COL7A1: variants seen among roughly 807,000 people sequenced by gnomAD.
The protein encoded by COL7A1 is collagen alpha-1(VII) chain.
Under a neutral mutation model 456.2 loss-of-function variants are expected in COL7A1, and 296 were observed. That is an observed-to-expected ratio of 0.65 (90% CI 0.59 to 0.71). The LOEUF (loss-of-function observed/expected upper bound fraction) is 0.71, where lower values mean the gene tolerates loss of function less well. Among genes scored for constraint, COL7A1 ranks in the 30% least tolerant of loss-of-function variants. COL7A1 has a pLI of 0.00. For synonymous variants in COL7A1, 1,464 were observed against 1,525.9 expected, an observed-to-expected ratio of 0.96 and a Z score of 0.95; for missense variants, 3,441 against 4,017.2, an observed-to-expected ratio of 0.86 and a Z score of 3.88.
rs1284522294 is a variant in COL7A1, at chr3:48,592,587, C to T, written c.959G>A (p.Ser320Asn). ...LYANSIGEAV[S>N]GTARTTALEG... Reference sequence around the variant, plus strand: ...TTGCTCACTGGTCCGAGCTGTCCCGCTCACAGCCTCCCCGATGCTGTTGGC... The same window carrying T: ...TTGCTCACTGGTCCGAGCTGTCCCGTTCACAGCCTCCCCGATGCTGTTGGC... Residue 320 changes from serine to asparagine, a missense_variant, in exon 8 of 119, where the codon AGC (serine) becomes AAC (asparagine). Ser to Asn is a conservative substitution (Grantham distance 46). This residue lies in a region of COL7A1 where 913 missense variants were observed against 1,088.2 expected (regional missense o/e 0.84). Coordinates refer to ENST00000681320, the MANE Select transcript of COL7A1 (RefSeq NM_000094.4). This position sits in a 1 kb window ranked among gnomAD's most constrained non-coding sequence, Gnocchi z 7.6. 2.5e-6 allele frequency: 4 copies of T among 1,613,920 alleles called. No individual in the cohort carries two copies. The highest frequency in any genetic ancestry group is 1.7e-5 in the Admixed American group (1 of 60,012).
chr3:48,581,433 G>T lies in COL7A1; in HGVS notation c.4818+15C>A. ...CCCAGAAGCCTTGAGGTTGCCCAGG[G>T]TAACGGGTACTCACTGGGGGTCCTG... On this transcript the variant is annotated intron_variant, in intron 51 of 118. Coordinates refer to ENST00000681320, the MANE Select transcript of COL7A1 (RefSeq NM_000094.4). The surrounding 1 kb of genome is among the most constrained non-coding windows in gnomAD (Gnocchi z 5.8). 1 of 1,614,012 alleles carries T rather than the reference G, an allele frequency of 6.2e-7. No homozygotes were observed. Among genetic ancestry groups the T allele is most frequent in the Non-Finnish European group, 8.5e-7 (1 of 1,179,998 alleles).
chr3:48,582,861 TG>T, intron 44 of COL7A1, 151 bp downstream of exon 44: 2 of 1,295,402 alleles, frequency 1.5e-6, no homozygotes, highest in Non-Finnish European at 2.2e-6. Flanking sequence ...GCCAGGTCCC[TG>T]GGGCTGAGGG....
At position 48,572,066 on chromosome 3, in the gene COL7A1, G is replaced by A. The variant is rs753759973; in HGVS notation, c.7024-21C>T. On this transcript the variant is annotated intron_variant, in intron 91 of 118. Coordinates refer to ENST00000681320, the MANE Select transcript of COL7A1 (RefSeq NM_000094.4). The surrounding 1 kb of genome is among the most constrained non-coding windows in gnomAD (Gnocchi z 4.6). ...TCACCCTGCACAGAATGGCAGGTGAGGGGTGTCTGGACTGAGCCTTCTCTG... is the reference window on the plus strand; with the variant it reads ...TCACCCTGCACAGAATGGCAGGTGAAGGGTGTCTGGACTGAGCCTTCTCTG... 1.5e-5 allele frequency: 24 copies of A among 1,612,576 alleles called. No individual in the cohort carries two copies. The highest frequency in any genetic ancestry group is 3.3e-4 in the Middle Eastern group (2 of 6,080).
In COL7A1 at chr3:48,574,946, G is replaced by T. The variant is rs915907004; in HGVS notation, c.6280-81C>A. The stretch of plus-strand genomic sequence containing the variant: ...TCATCACAGATCTCAGGATCACAGA[G>T]GGTTATAGGGTCAGAAATTCCAGGG... On this transcript the variant is annotated intron_variant, in intron 76 of 118. Coordinates refer to ENST00000681320, the MANE Select transcript of COL7A1 (RefSeq NM_000094.4). This position sits in a 1 kb window ranked among gnomAD's most constrained non-coding sequence, Gnocchi z 5.0. 3.8e-6 allele frequency: 6 copies of T among 1,584,198 alleles called. No individual in the cohort carries two copies. The Admixed American group carries it at 1.0e-4, about 27-fold the overall frequency.
At position 48,568,811 on chromosome 3, in the gene COL7A1, TG is replaced by T; in HGVS notation, c.7730del (p.Pro2577GlnfsTer54). 1.9e-6 allele frequency: 3 copies of T among 1,575,512 alleles called. No homozygotes were observed. Among genetic ancestry groups the T allele is most frequent in the Non-Finnish European group, 2.6e-6 (3 of 1,159,400 alleles). On this transcript the variant is annotated frameshift_variant, in exon 104 of 119. Coordinates refer to ENST00000681320, the MANE Select transcript of COL7A1 (RefSeq NM_000094.4). LOFTEE classifies it high-confidence loss of function. The surrounding 1 kb of genome is among the most constrained non-coding windows in gnomAD (Gnocchi z 5.2). Reference sequence around the variant, plus strand: ...GGGGTCCCAGGAGTCCACGCAGTCCTGGCAACCCGGCTGAGCCCTTGTCACC... The same window carrying T: ...GGGGTCCCAGGAGTCCACGCAGTCCTGCAACCCGGCTGAGCCCTTGTCACC... ...EPGDKGSAGL[P>X]GLRGLLGPQG...
chr3:48,568,901 C>T lies in COL7A1; in HGVS notation c.7687-46G>A, dbSNP rs61701760. ...GGGATTCAGTCAGGACCAGATCAGG[C>T]TGGGGGCTTAGAATACAACGAGCCC... On this transcript the variant is annotated intron_variant, in intron 103 of 118. Coordinates refer to ENST00000681320, the MANE Select transcript of COL7A1 (RefSeq NM_000094.4). The surrounding 1 kb of genome is among the most constrained non-coding windows in gnomAD (Gnocchi z 5.2). The T allele has an allele frequency of 2.6e-6, 4 of 1,541,934 alleles. No individual in the cohort carries two copies. The highest frequency in any genetic ancestry group is 1.2e-5 in the South Asian group (1 of 84,090).
rs556116285 is a variant in COL7A1, at chr3:48,583,163, C to G, written c.4446G>C (p.Arg1482=). ...CCTCACCCAGGGGCCCTGGAAAGCC[C>G]CGGTCACCCTGAAGAGAGAGGGTGA... The part of the protein sequence containing the change: ...PPGAIGPKGD[R]GFPGPLGEAG... The change falls in exon 43 of 119, where the codon CGG becomes CGC. Residue 1482 remains arginine, a synonymous_variant. Transcript: ENST00000681320. This position sits in a 1 kb window ranked among gnomAD's most constrained non-coding sequence, Gnocchi z 5.1. 8 of 1,613,730 alleles carry G rather than the reference C, an allele frequency of 5.0e-6. No individual in the cohort carries two copies. Among genetic ancestry groups the G allele is most frequent in the East Asian group, 4.5e-5 (2 of 44,886 alleles).
Position 48,573,391 on chromosome 3 carries a change from C to T in COL7A1, c.6619-43G>A. On this transcript the variant is annotated intron_variant, in intron 83 of 118. Transcript: ENST00000681320. The surrounding 1 kb of genome is among the most constrained non-coding windows in gnomAD (Gnocchi z 5.5). ...ACTGCATGAGCAGAGCCCACGTGGC[C>T]AGGGCTCCTGGAGCTCATCCTCATT... is the stretch of plus-strand genomic sequence containing the variant. 6.2e-7 allele frequency: 1 copy of T among 1,614,002 alleles called. No individual in the cohort carries two copies. Among genetic ancestry groups the T allele is most frequent in the South Asian group, 1.1e-5 (1 of 91,080 alleles).
rs2043520354 is a variant in COL7A1 at position 48,564,545 on chromosome 3, A to G, written c.8819-123T>C. 1 of 1,232,638 alleles carries G rather than the reference A, an allele frequency of 8.1e-7. No individual in the cohort carries two copies. The allele number at this position is 1,232,638 out of a possible 1,614,324, so 76.4% of individuals were successfully genotyped here. A position where few individuals can be genotyped will look rare whatever the true frequency, so the allele number is the denominator to read the frequency against. On this transcript the variant is annotated intron_variant, in intron 118 of 118. Coordinates refer to ENST00000681320, the MANE Select transcript of COL7A1 (RefSeq NM_000094.4). The surrounding 1 kb of genome is among the most constrained non-coding windows in gnomAD (Gnocchi z 6.0). ...CAGGAAGTGGGGGCTCTGACCTCAG[A>G]GGGGTCCATACTTAGGTCTTTAAAG...
Position 48,567,493 on chromosome 3 carries a change from C to A in COL7A1, c.8046+81G>T. 6.3e-7 allele frequency: 1 copy of A among 1,586,390 alleles called. No homozygotes were observed. The highest frequency in any genetic ancestry group is 2.2e-5 in the East Asian group (1 of 44,748). ...CCAACCCTCTACAGCCTTCCTTGTC[C>A]CTACACCCCCATGACCCGACCATGA... On this transcript the variant is annotated intron_variant, in intron 109 of 118. Transcript: ENST00000681320. This position sits in a 1 kb window ranked among gnomAD's most constrained non-coding sequence, Gnocchi z 4.3.
Position 48,569,270 on chromosome 3 carries a change from A to G in COL7A1, c.7686+105T>C, listed in dbSNP as rs1307841138. The G allele has an allele frequency of 7.2e-7, 1 of 1,396,252 alleles. No individual in the cohort carries two copies. Among genetic ancestry groups the G allele is most frequent in the Non-Finnish European group, 1.0e-6 (1 of 984,714 alleles). The allele number at this position is 1,396,252 out of a possible 1,614,324, so 86.5% of individuals were successfully genotyped here. A position where few individuals can be genotyped will look rare whatever the true frequency, so the allele number is the denominator to read the frequency against. On this transcript the variant is annotated intron_variant, in intron 103 of 118. Coordinates refer to ENST00000681320, the MANE Select transcript of COL7A1 (RefSeq NM_000094.4). This position sits in a 1 kb window ranked among gnomAD's most constrained non-coding sequence, Gnocchi z 4.9. Reference sequence around the variant, plus strand: ...CAGCCACAGAACCCCTTCCCCCTAAACCCCAGAAAGCCTCCTCCTGTCCTC... The same window carrying G: ...CAGCCACAGAACCCCTTCCCCCTAAGCCCCAGAAAGCCTCCTCCTGTCCTC...
chr3:48,574,295 T>C lies in COL7A1; in HGVS notation c.6468A>G (p.Gly2156=). ...RGQDGNPGLP[G]ERGMAGPEGK... The stretch of plus-strand genomic sequence containing the variant: ...CTTCAGGCCCAGCCATACCACGCTC[T>C]CCTGGTAGACCCTGCAGAGAATAGG... The change falls in exon 80 of 119, where the codon GGA becomes GGG. Residue 2156 remains glycine (G), a synonymous_variant. Coordinates refer to ENST00000681320, the MANE Select transcript of COL7A1 (RefSeq NM_000094.4). The surrounding 1 kb of genome is among the most constrained non-coding windows in gnomAD (Gnocchi z 5.0). The C allele has an allele frequency of 1.2e-6, 2 of 1,614,078 alleles. No homozygotes were observed. Among genetic ancestry groups the C allele is most frequent in the Non-Finnish European group, 1.7e-6 (2 of 1,179,996 alleles).
In COL7A1 at chr3:48,590,476, C is replaced by T; in HGVS notation, c.1889G>A (p.Ser630Asn). The T allele has an allele frequency of 6.2e-7, 1 of 1,614,174 alleles. No individual in the cohort carries two copies. Among genetic ancestry groups the T allele is most frequent in the Non-Finnish European group, 8.5e-7 (1 of 1,180,038 alleles). Reference protein sequence around the residue: ...PVPGASGFRISWSTGSGPESS... With the variant: ...PVPGASGFRINWSTGSGPESS... ...ACACTGACCACTGCCTGTGCTCCAG[C>T]TAATCCGAAATCCACTGGCTCCAGG... Residue 630 changes from serine to asparagine, a missense_variant, in exon 15 of 119, where the codon AGC becomes AAC. Physicochemically the swap from Ser to Asn is conservative, Grantham distance 46 (BLOSUM62 1). Transcript: ENST00000681320. The surrounding 1 kb of genome is among the most constrained non-coding windows in gnomAD (Gnocchi z 4.6).
Position 48,578,048 on chromosome 3 carries a change from C to G in COL7A1, c.5532+273G>C, listed in dbSNP as rs745593192. Among the ~76,000 whole-genome samples the G allele has an allele frequency of 1.4e-4, 21 of 152,122 alleles. No individual in the cohort carries two copies. The highest frequency in any genetic ancestry group is 3.1e-4 in the Non-Finnish European group (21 of 68,024). ...GCATGGTGGCGCATGCCTGTAATCC[C>G]AGTTACTCGGGAGGTTGAGGCAGGA... is the stretch of plus-strand genomic sequence containing the variant. On this transcript the variant is annotated intron_variant, in intron 65 of 118. Coordinates refer to ENST00000681320, the MANE Select transcript of COL7A1 (RefSeq NM_000094.4). This position sits in a 1 kb window ranked among gnomAD's most constrained non-coding sequence, Gnocchi z 4.7.
Position 48,578,212 on chromosome 3 carries a change from G to T in COL7A1, c.5532+109C>A. 1 of 1,256,266 alleles carries T rather than the reference G, an allele frequency of 8.0e-7. No homozygotes were observed. The highest frequency in any genetic ancestry group is 1.1e-6 in the Non-Finnish European group (1 of 870,040). The allele number at this position is 1,256,266 out of a possible 1,614,324, so 77.8% of individuals were successfully genotyped here. A position where few individuals can be genotyped will look rare whatever the true frequency, so the allele number is the denominator to read the frequency against. On this transcript the variant is annotated intron_variant, in intron 65 of 118. Coordinates refer to ENST00000681320, the MANE Select transcript of COL7A1 (RefSeq NM_000094.4). This position sits in a 1 kb window ranked among gnomAD's most constrained non-coding sequence, Gnocchi z 4.7. Reference sequence around the variant, plus strand: ...TGGATGCATCTGTATGTCTGGGCCAGGATGCATGTGTCTACACGTGTGCCT... The same window carrying T: ...TGGATGCATCTGTATGTCTGGGCCATGATGCATGTGTCTACACGTGTGCCT...
rs749211733 is a variant in COL7A1 at position 48,585,718 on chromosome 3, A to G, written c.3803T>C (p.Val1268Ala). Residue 1268 changes from valine to alanine, a missense_variant, in exon 31 of 119, where the codon GTT becomes GCT. Physicochemically the swap from Val to Ala is moderately conservative, Grantham distance 64 (BLOSUM62 0). This residue lies in a region of COL7A1 where 2,084 missense variants were observed against 2,501.3 expected (regional missense o/e 0.83). Transcript: ENST00000681320. The surrounding 1 kb of genome is among the most constrained non-coding windows in gnomAD (Gnocchi z 4.5). ...EPGEMGLRGQ[V>A]GPPGDPGLPG... The stretch of plus-strand genomic sequence containing the variant: ...GAGGCCAGGGTCGCCAGGAGGCCCA[A>G]CTTGTCCTCTCAGGCCCTAGGAAGG... The G allele has an allele frequency of 3.5e-5, 56 of 1,613,854 alleles. No homozygotes were observed. The highest frequency in any genetic ancestry group is 4.6e-5 in the Non-Finnish European group (54 of 1,180,000).
Position 48,593,975 on chromosome 3 carries a change from G to C in COL7A1, c.267-279C>G, listed in dbSNP as rs2045892427. Among the ~76,000 whole-genome samples, 1 of 152,220 alleles carries C rather than the reference G, an allele frequency of 6.6e-6. No individual in the cohort carries two copies. ...CAAGATGCTGCTTAATTAAATAATT[G>C]CAGGAGGAGGGGTCCAGATGTAGGA... On this transcript the variant is annotated intron_variant, in intron 3 of 118. Transcript: ENST00000681320. This position sits in a 1 kb window ranked among gnomAD's most constrained non-coding sequence, Gnocchi z 4.4.
At position 48,583,113 on chromosome 3, in the gene COL7A1, C is replaced by T. The variant is rs1467148281; in HGVS notation, c.4482+14G>A. 6.2e-7 allele frequency: 1 copy of T among 1,613,974 alleles called. No homozygotes were observed. The highest frequency in any genetic ancestry group is 1.1e-5 in the South Asian group (1 of 91,082). On this transcript the variant is annotated intron_variant, in intron 43 of 118. Transcript: ENST00000681320. This position sits in a 1 kb window ranked among gnomAD's most constrained non-coding sequence, Gnocchi z 5.1. ...ATCCTCCAGGGCCCTTGGCACCCCC[C>T]AGGTTGCACTTACCTTCTCTCCAGC...
In COL7A1 at chr3:48,578,445, G is replaced by T. The variant is rs763853546; in HGVS notation, c.5487+8C>A. 1 of 1,613,326 alleles carries T rather than the reference G, an allele frequency of 6.2e-7. No homozygotes were observed. ...GGAAAAGGGGGTAACATGAAAGTCT[G>T]GTCTCACCGGTAATCCAGGGGGACC... On this transcript the variant is annotated splice_region_variant and intron_variant, in intron 64 of 118. Coordinates refer to ENST00000681320, the MANE Select transcript of COL7A1 (RefSeq NM_000094.4). This position sits in a 1 kb window ranked among gnomAD's most constrained non-coding sequence, Gnocchi z 4.7.
Sources: gnomAD v4.1 joint callset for allele counts (sites outside exome capture counted in the v4.1 genomes callset) on GRCh38, gnomAD v4.1.1 for gene constraint, gnomAD v4.1.1 regional missense constraint, Gnocchi (gnomAD v3.1) non-coding constraint, MANE v1.5 for transcripts, NCBI Gene and HGNC (gene_info 2026-07-23, HGNC 2026-07-21) for gene names.